Variants in ING5 observed in about 807,000 individuals in gnomAD.
The protein encoded by ING5 is inhibitor of growth protein 5.
In ING5, 17 loss-of-function variants were observed where a neutral mutation model predicts 37.4. The ratio of observed to expected loss-of-function variants is 0.45; its 90% CI spans 0.31 to 0.68. The LOEUF is 0.68. Ranked by LOEUF, ING5 falls within the 30% of genes least tolerant of loss-of-function variation. The pLI is 0.05. For synonymous variants in ING5, 123 were observed against 116.6 expected, an observed-to-expected ratio of 1.06 and a Z score of -0.36; for missense variants, 233 against 311.9, an observed-to-expected ratio of 0.75 and a Z score of 1.91.
intron 2 of ING5, among the ~76,000 whole-genome samples, chr2:241,691,550 G>A (rs62191299): frequency 0.4 from 60,504 of 151,754 alleles, 12,157 homozygotes; most frequent in Middle Eastern, 0.49. Flanking sequence ...GTCTCTCACC[G>A]TCAGTGGGCT....
chr2:241,708,726 A>G (rs751544719), intron 2 of ING5, among the ~76,000 whole-genome samples: 20 of 151,926 alleles, frequency 1.3e-4, no homozygotes, highest in Non-Finnish European at 2.5e-4. Context: ...TTATTTCTCC[A>G]TTTTACTGAG....
At chr2:241,722,701 T>C in intron 5 of ING5, 1 of 985,470 alleles carries the variant, frequency 1.0e-6, no homozygotes, top group African/African-American at 1.7e-5. Context: ...AGTTAGTGCA[T>C]GACTGCAGTG....
rs1691690114 is a variant in ING5 at position 241,727,988 on chromosome 2, T to C, written c.*2957T>C. On this transcript the variant is annotated 3_prime_UTR_variant, in exon 8 of 8. Coordinates refer to ENST00000313552, the MANE Select transcript of ING5 (RefSeq NM_032329.6). ...TTTCTTTTCAAGTTTCTGTGCTTAG[T>C]GTTTTTAATGTTTACTTTTGCCACT... 1.3e-5 allele frequency: 2 copies of C among 152,268 alleles called. No homozygotes were observed. Among genetic ancestry groups the C allele is most frequent in the African/African-American group, 4.8e-5 (2 of 41,458 alleles). The allele number at this position is 152,268 out of a possible 1,614,324, so 9.4% of individuals were successfully genotyped here. A position where few individuals can be genotyped will look rare whatever the true frequency, so the allele number is the denominator to read the frequency against.
upstream of ING5, among the ~76,000 whole-genome samples, chr2:241,700,425 G>A (rs544653630): frequency 6.6e-6 from 1 of 151,582 alleles, no homozygotes; most frequent in Non-Finnish European, 1.5e-5. Flanking sequence ...CCAAAGTGCT[G>A]GAATTACAGG....
At chr2:241,700,999 A>G (rs1350728335), upstream of ING5, among the ~76,000 whole-genome samples, 1 of 144,578 alleles carries the variant, frequency 6.9e-6, no homozygotes, top group Non-Finnish European at 1.5e-5. Flanking sequence ...TTGAAGACAG[A>G]GTCTTGCTCT....
At chr2:241,709,903 G>A (rs574230679) in intron 3 of ING5, among the ~76,000 whole-genome samples, 77 of 151,910 alleles carry the variant, frequency 5.1e-4, no homozygotes, top group Non-Finnish European at 9.9e-4. Flanking sequence ...CACCGTGCCC[G>A]ACCTCCAGGT....
intron 1 of ING5, among the ~76,000 whole-genome samples, chr2:241,703,279 G>C (rs2069800962): frequency 1.3e-5 from 2 of 152,348 alleles, no homozygotes; most frequent in Admixed American, 6.5e-5. Flanking sequence ...GGAAGCATCA[G>C]ATGCATAAGA....
At chr2:241,712,693 A>C (rs2124918715) in intron 5 of ING5, among the ~76,000 whole-genome samples, 1 of 152,258 alleles carries the variant, frequency 6.6e-6, no homozygotes, top group South Asian at 2.1e-4. Flanking sequence ...CTGAAATGCC[A>C]CGAAGCCTCT....
At chr2:241,722,888 C>T (rs779871574) in intron 5 of ING5, 51 bp from the exon 6 acceptor site, 1 of 1,607,254 alleles carries the variant, frequency 6.2e-7, no homozygotes, top group Non-Finnish European at 8.5e-7. Flanking sequence ...GTCCGTGCCG[C>T]CTCACTTCCC....
At chr2:241,699,993 T>C (rs1011985200), upstream of ING5, among the ~76,000 whole-genome samples, 2 of 152,102 alleles carry the variant, frequency 1.3e-5, no homozygotes, top group Non-Finnish European at 2.9e-5. Context: ...TATTTTATTT[T>C]ATATTTTAAG....
chr2:241,719,111 C>A (rs938721441), intron 5 of ING5, among the ~76,000 whole-genome samples: 1 of 152,198 alleles, frequency 6.6e-6, no homozygotes, highest in African/African-American at 2.4e-5. Context: ...TTTCCTCTCT[C>A]GCCTCCTGCC....
intron 2 of ING5, among the ~76,000 whole-genome samples, chr2:241,706,580 G>C (rs572342772): frequency 7.2e-6 from 1 of 139,078 alleles, no homozygotes; most frequent in Non-Finnish European, 1.5e-5. Flanking sequence ...CCTGGAGATC[G>C]CACCATTGCA....
chr2:241,704,405 T>C (rs1177798402), intron 1 of ING5, among the ~76,000 whole-genome samples: 1 of 152,060 alleles, frequency 6.6e-6, no homozygotes, highest in East Asian at 1.9e-4. Flanking sequence ...CCGTCTCAAC[T>C]AAAAATACAA....
At chr2:241,724,084 C>A in intron 7 of ING5, 1 of 1,348,552 alleles carries the variant, frequency 7.4e-7, no homozygotes, top group Non-Finnish European at 9.5e-7. Context: ...TATCTATGTT[C>A]TGAAAATGAA....
At chr2:241,716,624 C>T (rs1321383759) in intron 5 of ING5, among the ~76,000 whole-genome samples, 5 of 152,096 alleles carry the variant, frequency 3.3e-5, no homozygotes, top group African/African-American at 1.2e-4. Flanking sequence ...CTAGTGTGTG[C>T]ACTCAGTTTC....
intron 1 of ING5, among the ~76,000 whole-genome samples, chr2:241,688,550 T>C (rs1236151764): frequency 5.9e-5 from 9 of 152,150 alleles, no homozygotes; most frequent in Admixed American, 5.9e-4. Flanking sequence ...CCCAATTCAG[T>C]TTGGGGTTCT....
intron 5 of ING5, among the ~76,000 whole-genome samples, chr2:241,713,668 G>T (rs2124923108): frequency 6.7e-6 from 1 of 150,112 alleles, no homozygotes; most frequent in East Asian, 2.1e-4. Flanking sequence ...ACTGTGCCCA[G>T]CCCCAATTTT....
intron 2 of ING5, among the ~76,000 whole-genome samples, chr2:241,706,397 A>T (rs1027816884): frequency 3.3e-5 from 5 of 152,088 alleles, no homozygotes; most frequent in South Asian, 4.1e-4. Flanking sequence ...TGGGAGGCTG[A>T]GGTGGGCAGA....
At position 241,709,282 on chromosome 2, in the gene ING5, A is replaced by G. The variant is rs2070027882; in HGVS notation, c.176A>G (p.Asp59Gly). Reference protein sequence around the residue: ...YISTVKTLSPDQRVERLQKIQ... With the variant: ...YISTVKTLSPGQRVERLQKIQ... ...TCCACGGTGAAGACGCTGTCTCCAG[A>G]CCAGCGCGTGGAGCGCCTGCAGAAG... is the stretch of plus-strand genomic sequence containing the variant. Residue 59 changes from aspartate to glycine, a missense_variant, in exon 3 of 8, where the codon GAC (aspartate) becomes GGC (glycine). This residue lies in a region of ING5 where 93 missense variants were observed against 99.7 expected (regional missense o/e 0.93). Coordinates refer to ENST00000313552, the MANE Select transcript of ING5 (RefSeq NM_032329.6). The G allele has an allele frequency of 1.2e-6, 2 of 1,614,098 alleles. No homozygotes were observed. Among genetic ancestry groups the G allele is most frequent in the Non-Finnish European group, 1.7e-6 (2 of 1,179,986 alleles).
Sources: allele counts gnomAD v4.1 joint callset (sites outside exome capture counted in the v4.1 genomes callset), GRCh38; gene constraint gnomAD v4.1.1; regional missense constraint gnomAD v4.1.1; transcripts MANE v1.5; gene names NCBI Gene and HGNC (gene_info 2026-07-23, HGNC 2026-07-21).